Variants in MATN4 observed in about 807,000 individuals in gnomAD.
MATN4 encodes the protein matrilin-4.
Under a neutral mutation model 54.6 loss-of-function variants are expected in MATN4, and 40 were observed. The observed-to-expected ratio is 0.73, with a 90% CI of 0.57 to 0.95. The LOEUF (loss-of-function observed/expected upper bound fraction) is 0.95. MATN4 is among the 40% of genes least tolerant of loss of function. The pLI is 0.00. For synonymous variants in MATN4, 351 were observed against 345.3 expected, an observed-to-expected ratio of 1.02 and a Z score of -0.18; for missense variants, 810 against 819.1, an observed-to-expected ratio of 0.99 and a Z score of 0.13.
In MATN4 at chr20:45,301,196, A is replaced by G. The variant is rs980451121; in HGVS notation, c.795T>C (p.His265=). The part of the protein sequence containing the change: ...RAIDYCSFGN[H]SCQHECVSTP... ...TGCTAACACACTCATGCTGACAGCT[A>G]TGGTTCCCAAAGCTGCAGTAGTCAA... The change falls in exon 5 of 10, where the codon CAT becomes CAC. Residue 265 remains histidine, a synonymous_variant. Transcript: ENST00000372756. 3 of 1,604,246 alleles carry G rather than the reference A, an allele frequency of 1.9e-6. No individual in the cohort carries two copies. Among genetic ancestry groups the G allele is most frequent in the Middle Eastern group, 1.7e-4 (1 of 6,032 alleles).
Position 45,298,252 on chromosome 20 carries a change from G to A in MATN4, c.1344C>T (p.Asn448=), listed in dbSNP as rs1452502961. 5.0e-6 allele frequency: 8 copies of A among 1,612,624 alleles called. No homozygotes were observed. Among genetic ancestry groups the A allele is most frequent in the Non-Finnish European group, 2.5e-6 (3 of 1,179,398 alleles). Residue 448 remains asparagine, a synonymous_variant, in exon 7 of 10, where the codon AAC becomes AAT. Transcript: ENST00000372756. The surrounding 1 kb of genome is among the most constrained non-coding windows in gnomAD (Gnocchi z 4.6). The part of the protein sequence containing the change: ...EAQGARPRAL[N]VPRVGLVFTD... ...TGAAGACCAGGCCAACACGAGGCAC[G>A]TTAAGGGCACGGGGCCGTGCACCCT... is the stretch of plus-strand genomic sequence containing the variant.
At chr20:45,295,056 T>G (rs1219967739) in intron 8 of MATN4, among the ~76,000 whole-genome samples, 1 of 152,218 alleles carries the variant, frequency 6.6e-6, no homozygotes, top group Non-Finnish European at 1.5e-5. Flanking sequence ...CTCCCACTGA[T>G]TATACATTAT....
In MATN4 at chr20:45,293,825, A is replaced by G. The variant is rs750988436; in HGVS notation, c.1688T>C (p.Leu563Pro). ...CTCCAGGCGCGCCGTCAGCTGGGCC[A>G]GTGAGCGGTTAAGGAGGCCGTTGGG... ...LGALESLTLN[L>P]AQLTARLEDL... The change falls in exon 10 of 10, where the codon CTG (leucine) becomes CCG (proline). Residue 563 changes from leucine (L) to proline (P), a missense_variant and splice_region_variant. By Grantham distance (98) the Leu-to-Pro change is moderately conservative (BLOSUM62 -3). Coordinates refer to ENST00000372756, the MANE Select transcript of MATN4 (RefSeq NM_001393530.1). The G allele has an allele frequency of 1.9e-6, 3 of 1,611,522 alleles. No individual in the cohort carries two copies. The South Asian group carries it at 3.3e-5, about 18-fold the overall frequency.
Position 45,293,598 on chromosome 20 carries a change from G to A in MATN4, c.*169C>T, listed in dbSNP as rs2145634029. On this transcript the variant is annotated 3_prime_UTR_variant, in exon 10 of 10. Transcript: ENST00000372756. ...CCCTGACGCCGCAGTCCGCCTAATG[G>A]TCCGGGCGAGGCCAACTCAGCTCAA... 1.7e-6 allele frequency: 1 copy of A among 598,676 alleles called. No homozygotes were observed. Among genetic ancestry groups the A allele is most frequent in the South Asian group, 2.2e-5 (1 of 45,176 alleles). 37.1% of individuals were successfully genotyped at this position (598,676 alleles called of 1,614,324 possible).
intron 3 of MATN4, among the ~76,000 whole-genome samples, chr20:45,302,914 C>G (rs62205538): frequency 0.049 from 7,418 of 152,072 alleles, 226 homozygotes; most frequent in Middle Eastern, 0.099. Flanking sequence ...GAAACCCCAT[C>G]TCCACTAAAA....
intron 1 of MATN4, chr20:45,307,059 C>T (rs1193960083): frequency 4.9e-6 from 3 of 612,782 alleles, no homozygotes; most frequent in South Asian, 8.5e-5. Flanking sequence ...GGAGGCAGCC[C>T]GCCGAACTGC....
intron 1 of MATN4, chr20:45,306,849 A>C: frequency 8.9e-7 from 1 of 1,122,866 alleles, no homozygotes; most frequent in South Asian, 4.5e-5. Flanking sequence ...AGGGGTGTGC[A>C]GGGTTCCAGC....
Position 45,293,695 on chromosome 20 carries a change from C to G in MATN4, c.*72G>C. ...GGGCCCAGGTTCTGCCTGGCCCCGGCGCACCGATGGCGCGCAAGGGGCACC... is the reference window on the plus strand; with the variant it reads ...GGGCCCAGGTTCTGCCTGGCCCCGGGGCACCGATGGCGCGCAAGGGGCACC... On this transcript the variant is annotated 3_prime_UTR_variant, in exon 10 of 10. Coordinates refer to ENST00000372756, the MANE Select transcript of MATN4 (RefSeq NM_001393530.1). The G allele has an allele frequency of 7.1e-7, 1 of 1,403,068 alleles. No homozygotes were observed. Among genetic ancestry groups the G allele is most frequent in the African/African-American group, 1.4e-5 (1 of 69,038 alleles). 86.9% of individuals were successfully genotyped at this position (1,403,068 alleles called of 1,614,324 possible). A position where few individuals can be genotyped will look rare whatever the true frequency, so the allele number is the denominator to read the frequency against.
chr20:45,302,720 G>A (rs1232304837), intron 3 of MATN4, among the ~76,000 whole-genome samples: 2 of 152,038 alleles, frequency 1.3e-5, no homozygotes, highest in Admixed American at 6.6e-5. Flanking sequence ...GGCATGAGGG[G>A]GGACACCCAC....
chr20:45,305,796 CAA>C (rs1336278109), intron 1 of MATN4, among the ~76,000 whole-genome samples, 180 bp from the exon 2 acceptor site: 1 of 41,662 alleles, frequency 2.4e-5, no homozygotes, highest in Non-Finnish European at 5.4e-5. Context: ...CTGGGAAACA[CAA>C]GAGATTCTTT....
At chr20:45,308,123 T>G (rs1285787977) in intron 1 of MATN4, 52 bp downstream of exon 1, 1 of 1,577,786 alleles carries the variant, frequency 6.3e-7, no homozygotes, top group African/African-American at 1.3e-5. Context: ...TGACCTGGCT[T>G]GATGCCTACT....
rs752361349 is a variant in MATN4, at chr20:45,304,332, G to T, written c.539C>A (p.Ser180Tyr). 6.6e-7 allele frequency: 1 copy of T among 1,516,696 alleles called. No individual in the cohort carries two copies. Among genetic ancestry groups the T allele is most frequent in the Admixed American group, 2.2e-5 (1 of 44,668 alleles). The allele number at this position is 1,516,696 out of a possible 1,614,324, so 94.0% of individuals were successfully genotyped here. ...AVGVQRADVGSLRAMASPPLD... is the reference protein window; with the variant it reads ...AVGVQRADVGYLRAMASPPLD... ...CGGGGGCGATGCCATGGCGCGCAGG[G>T]AGCCCACGTCCGCGCGCTGCACCCC... The change falls in exon 3 of 10, where the codon TCC becomes TAC. Residue 180 changes from serine to tyrosine, a missense_variant. Physicochemically the swap from Ser to Tyr is moderately radical, Grantham distance 144. Transcript: ENST00000372756.
At position 45,293,905 on chromosome 20, in the gene MATN4, T is replaced by G. The variant is rs897466302; in HGVS notation, c.1687+3A>C. On this transcript the variant is annotated splice_donor_region_variant and intron_variant, in intron 9 of 9. Coordinates refer to ENST00000372756, the MANE Select transcript of MATN4 (RefSeq NM_001393530.1). ...AGCCCGCGCCACCAGCCCCAAAGGA[T>G]ATGGTTCAGCGTCAGGCTCTCGAGC... 2.5e-6 allele frequency: 4 copies of G among 1,605,216 alleles called. No homozygotes were observed. In the African/African-American group the frequency reaches 4.0e-5, roughly 16 times the overall value.
chr20:45,305,648 A>G lies in MATN4; in HGVS notation c.-34-32T>C, dbSNP rs1986568887. Reference sequence around the variant, plus strand: ...GGAGGAAGGAAAATAGAAAAGCAACAGTATTTACAGAGCTCTTATTCTGGG... The same window carrying G: ...GGAGGAAGGAAAATAGAAAAGCAACGGTATTTACAGAGCTCTTATTCTGGG... On this transcript the variant is annotated intron_variant, in intron 1 of 9. Transcript: ENST00000372756. 8 of 1,146,916 alleles carry G rather than the reference A, an allele frequency of 7.0e-6. No homozygotes were observed. In the South Asian group the frequency reaches 7.9e-5, roughly 11 times the overall value. 71.0% of individuals were successfully genotyped at this position (1,146,916 alleles called of 1,614,324 possible). A position where few individuals can be genotyped will look rare whatever the true frequency, so the allele number is the denominator to read the frequency against.
intron 1 of MATN4, among the ~76,000 whole-genome samples, chr20:45,305,822 T>TTTTTTTTTTTTTG (rs58371202): frequency 7.1e-6 from 1 of 140,468 alleles, no homozygotes; most frequent in Non-Finnish European, 1.5e-5. Flanking sequence ...TTTTTTTTTT[T>TTTTTTTTTTTTTG]AGATAGAGTC....
chr20:45,306,773 G>C, intron 1 of MATN4: 1 of 564,946 alleles, frequency 1.8e-6, no homozygotes, highest in Non-Finnish European at 2.7e-6. Context: ...GCAAACAGGG[G>C]GCCGGGGCCC....
chr20:45,299,857 A>G (rs1986100966), intron 6 of MATN4, among the ~76,000 whole-genome samples: 1 of 145,712 alleles, frequency 6.9e-6, no homozygotes. Flanking sequence ...CAGCCCGAGA[A>G]ACAGAGGGAG....
chr20:45,298,495 G>T lies in MATN4; in HGVS notation c.1101C>A (p.Phe367Leu), dbSNP rs376187078. The T allele has an allele frequency of 3.1e-6, 5 of 1,613,532 alleles. No homozygotes were observed. In the South Asian group the frequency reaches 4.4e-5, roughly 14 times the overall value. The change falls in exon 7 of 10, where the codon TTC becomes TTA. Residue 367 changes from phenylalanine (F) to leucine (L), a missense_variant. Phe to Leu is a conservative substitution (Grantham distance 22, BLOSUM62 0). Transcript: ENST00000372756. The surrounding 1 kb of genome is among the most constrained non-coding windows in gnomAD (Gnocchi z 4.6). ...CTAGGAAGTCCACAATCTGGTTCAC[G>T]AAGCGCTTCACTAGCTCGAAGTTTT... ...RPQNFELVKRFVNQIVDFLDV... is the reference protein window; with the variant it reads ...RPQNFELVKRLVNQIVDFLDV...
intron 1 of MATN4, among the ~76,000 whole-genome samples, chr20:45,305,992 A>G (rs1442351978): frequency 6.6e-6 from 1 of 151,032 alleles, no homozygotes; most frequent in Non-Finnish European, 1.5e-5. Flanking sequence ...TTTAGTAGAG[A>G]GCGGGTTTTG....
Sources: allele counts gnomAD v4.1 joint callset (sites outside exome capture counted in the v4.1 genomes callset), GRCh38; gene constraint gnomAD v4.1.1; non-coding constraint Gnocchi (gnomAD v3.1); transcripts MANE v1.5; gene names NCBI Gene and HGNC (gene_info 2026-07-23, HGNC 2026-07-21).